The following BCL11B variants were observed in gnomAD, a reference collection of about 807,000 sequenced individuals.
BCL11B encodes the protein BCL11 transcription factor B, also known as B-cell lymphoma/leukemia 11B.
In BCL11B, 8 loss-of-function variants were observed where a neutral mutation model predicts 49.9. The observed-to-expected ratio is 0.16, with a 90% CI of 0.09 to 0.29. BCL11B has a LOEUF of 0.29. BCL11B is among the 10% of genes least tolerant of loss of function. The probability of loss-of-function intolerance (pLI) is 1.00; values close to 1 mark genes in which losing one functional copy is unlikely to be tolerated. For missense variants in BCL11B, 1,006 were observed against 1,351.0 expected, an observed-to-expected ratio of 0.74 and a Z score of 4.00; for synonymous variants, 739 against 637.4, an observed-to-expected ratio of 1.16 and a Z score of -2.40.
rs72252736 is a variant in BCL11B, at chr14:99,241,018, AT to A, written c.428-9462del. Among the ~76,000 whole-genome samples, 15,123 of 148,578 alleles carry A rather than the reference AT, an allele frequency of 0.1. 977 individuals carry two copies. Among genetic ancestry groups the A allele is most frequent in the East Asian group, 0.3 (1,547 of 5,096 alleles). ...GCACGCTGACTTTGATTTTGTTGTA[AT>A]TTTTTTTTTTCCTCAGCTGTCTTTG... On this transcript the variant is annotated intron_variant, in intron 2 of 3. Transcript: ENST00000357195. The surrounding 1 kb of genome is among the most constrained non-coding windows in gnomAD (Gnocchi z 4.4).
chr14:99,215,443 G>A (rs888285748), intron 3 of BCL11B, among the ~76,000 whole-genome samples: 2 of 152,332 alleles, frequency 1.3e-5, no homozygotes, highest in Non-Finnish European at 2.9e-5. Flanking sequence ...ATGTGTGCCG[G>A]CAGAGAATCG....
At chr14:99,254,795 C>T (rs1446780296) in intron 2 of BCL11B, among the ~76,000 whole-genome samples, 1 of 152,238 alleles carries the variant, frequency 6.6e-6, no homozygotes, top group Non-Finnish European at 1.5e-5. Context: ...CGGAGAAGTG[C>T]CCGTGATTCC....
chr14:99,237,714 G>T (rs1001115369), intron 2 of BCL11B, among the ~76,000 whole-genome samples: 2 of 152,222 alleles, frequency 1.3e-5, no homozygotes, highest in Admixed American at 6.5e-5. Flanking sequence ...GCACAGCTGT[G>T]TTTAAAGAGT....
chr14:99,270,314 T>A (rs1889625696), intron 1 of BCL11B, among the ~76,000 whole-genome samples: 1 of 152,058 alleles, frequency 6.6e-6, no homozygotes, highest in Admixed American at 6.6e-5. Context: ...TTTCTTTTTT[T>A]TCTTTTACTA....
chr14:99,177,125 A>G (rs1335298108), intron 3 of BCL11B, among the ~76,000 whole-genome samples: 1 of 152,094 alleles, frequency 6.6e-6, no homozygotes, highest in Non-Finnish European at 1.5e-5. Context: ...GTCCTCACAC[A>G]CACGCCCAAA....
At chr14:99,207,922 C>T (rs1422108672) in intron 3 of BCL11B, among the ~76,000 whole-genome samples, 4 of 152,154 alleles carry the variant, frequency 2.6e-5, no homozygotes, top group African/African-American at 9.7e-5. Context: ...CTGGGTGGCC[C>T]TGGGCAAGTA....
chr14:99,245,752 G>C (rs1446922598), intron 2 of BCL11B, among the ~76,000 whole-genome samples: 2 of 152,164 alleles, frequency 1.3e-5, no homozygotes, highest in African/African-American at 4.8e-5. Context: ...CCGGGAGAGC[G>C]CCCAAGGGCC....
At chr14:99,237,467 G>GC (rs1328135877) in intron 2 of BCL11B, among the ~76,000 whole-genome samples, 12 of 152,134 alleles carry the variant, frequency 7.9e-5, no homozygotes, top group African/African-American at 2.7e-4. Flanking sequence ...TCAGCTCACT[G>GC]CCCCAGAGCA....
intron 3 of BCL11B, among the ~76,000 whole-genome samples, chr14:99,180,194 C>A (rs1274764266): frequency 6.6e-6 from 1 of 152,162 alleles, no homozygotes; most frequent in African/African-American, 2.4e-5. Context: ...CCCAGACAGG[C>A]TGCTGAGATT....
chr14:99,175,860 C>A lies in BCL11B; in HGVS notation c.976G>T (p.Asp326Tyr), dbSNP rs1377895486. 1.4e-6 allele frequency: 2 copies of A among 1,478,564 alleles called. No homozygotes were observed. The highest frequency in any genetic ancestry group is 1.8e-6 in the Non-Finnish European group (2 of 1,120,038). 91.6% of individuals were successfully genotyped at this position (1,478,564 alleles called of 1,614,324 possible). Residue 326 changes from aspartate to tyrosine, a missense_variant, in exon 4 of 4, where the codon GAC becomes TAC. Coordinates refer to ENST00000357195, the MANE Select transcript of BCL11B (RefSeq NM_138576.4). ...TCCTCGGCACTGAGGCGGTGCGGGTCCAGGTGGTGGCGCGGCGGGGGACTG... is the reference window on the plus strand; with the variant it reads ...TCCTCGGCACTGAGGCGGTGCGGGTACAGGTGGTGGCGCGGCGGGGGACTG... Reference protein sequence around the residue: ...LFSPPPRHHLDPHRLSAEEMG... With the variant: ...LFSPPPRHHLYPHRLSAEEMG...
intron 3 of BCL11B, among the ~76,000 whole-genome samples, chr14:99,223,697 G>A (rs920088367): frequency 6.6e-6 from 1 of 152,216 alleles, no homozygotes. Flanking sequence ...TGGATAAAAT[G>A]AGAGTCAAAA....
At chr14:99,266,443 A>G (rs1428110782) in intron 1 of BCL11B, among the ~76,000 whole-genome samples, 1 of 152,230 alleles carries the variant, frequency 6.6e-6, no homozygotes, top group Admixed American at 6.5e-5. Flanking sequence ...AAACACACCC[A>G]TTCAAAACTC....
At position 99,170,997 on chromosome 14, in the gene BCL11B, T is replaced by C; in HGVS notation, c.*3154A>G. 1 of 232,398 alleles carries C rather than the reference T, an allele frequency of 4.3e-6. No homozygotes were observed. Among genetic ancestry groups the C allele is most frequent in the Non-Finnish European group, 8.5e-6 (1 of 117,446 alleles). 14.4% of individuals were successfully genotyped at this position (232,398 alleles called of 1,614,324 possible). The stretch of plus-strand genomic sequence containing the variant: ...GAGTGATGGTAGAGAAGGAAGATGT[T>C]CTCTCGCTCTCTCTCCTCTACATCT... On this transcript the variant is annotated 3_prime_UTR_variant, in exon 4 of 4. Transcript: ENST00000357195.
At chr14:99,239,026 T>C (rs1888588813) in intron 2 of BCL11B, among the ~76,000 whole-genome samples, 1 of 152,254 alleles carries the variant, frequency 6.6e-6, no homozygotes, top group African/African-American at 2.4e-5. Flanking sequence ...AACACTCATC[T>C]ATCAGCAACG....
intron 3 of BCL11B, among the ~76,000 whole-genome samples, chr14:99,178,066 G>A (rs928789513): frequency 6.6e-6 from 1 of 152,186 alleles, no homozygotes; most frequent in Non-Finnish European, 1.5e-5. Flanking sequence ...CAGCGTCACA[G>A]AAGGCTTCGT....
chr14:99,171,665 T>G lies in BCL11B; in HGVS notation c.*2486A>C, dbSNP rs1296751467. 4.8e-6 allele frequency: 1 copy of G among 208,958 alleles called. No individual in the cohort carries two copies. The highest frequency in any genetic ancestry group is 9.8e-6 in the Non-Finnish European group (1 of 102,540). 12.9% of individuals were successfully genotyped at this position (208,958 alleles called of 1,614,324 possible). A position where few individuals can be genotyped will look rare whatever the true frequency, so the allele number is the denominator to read the frequency against. ...TATTAAGCACTTTTTTTCTACATAC[T>G]TTTTCTACATGGTGTAGCAATCCCC... On this transcript the variant is annotated 3_prime_UTR_variant, in exon 4 of 4. Transcript: ENST00000357195.
At chr14:99,271,050 CGGG>C in intron 1 of BCL11B, 108 bp downstream of exon 1, 1 of 1,143,404 alleles carries the variant, frequency 8.7e-7, no homozygotes, top group Non-Finnish European at 1.2e-6. Context: ...TGCCAGCCAG[CGGG>C]CGGCCCCGGC....
At chr14:99,237,774 T>A (rs949729046) in intron 2 of BCL11B, among the ~76,000 whole-genome samples, 2 of 152,114 alleles carry the variant, frequency 1.3e-5, no homozygotes, top group Non-Finnish European at 2.9e-5. Context: ...GAATCTACGT[T>A]TGGCCTCTAT....
chr14:99,255,716 A>C (rs1401882373), intron 2 of BCL11B, among the ~76,000 whole-genome samples: 1 of 152,228 alleles, frequency 6.6e-6, no homozygotes, highest in Non-Finnish European at 1.5e-5. Context: ...CTACAGGTAA[A>C]ACTGTCCCTG....
Sources: gnomAD v4.1 joint callset for allele counts (sites outside exome capture counted in the v4.1 genomes callset) on GRCh38, gnomAD v4.1.1 for gene constraint, Gnocchi (gnomAD v3.1) non-coding constraint, MANE v1.5 for transcripts, NCBI Gene and HGNC (gene_info 2026-07-23, HGNC 2026-07-21) for gene names.